G6PD: variants seen among roughly 807,000 people sequenced by gnomAD.
The protein encoded by G6PD is glucose-6-phosphate 1-dehydrogenase.
G6PD carries 2 observed loss-of-function variants against 38.2 expected under a neutral mutation model. The ratio of observed to expected loss-of-function variants is 0.05; its 90% CI spans 0.02 to 0.16. The LOEUF is 0.16. Ranked by LOEUF, G6PD falls within the 10% of genes least tolerant of loss-of-function variation. The pLI, the probability that G6PD is intolerant of heterozygous loss-of-function variation, is 1.00. For synonymous variants in G6PD, 188 were observed against 196.0 expected (o/e 0.96, Z 0.34); for missense variants, 310 against 471.6 (o/e 0.66, Z 3.17).
intron 4 of G6PD, 114 bp from the exon 5 acceptor site, chrX:154,535,499 C>T: frequency 2.9e-6 from 2 of 683,087 alleles, no homozygotes; most frequent in Non-Finnish European, 4.6e-6. Context: ...AGGGAGGGTG[C>T]CCTCAGAAGT....
Position 154,546,019 on chromosome X carries a change from G to A in G6PD, c.120+17C>T. The A allele has an allele frequency of 2.5e-6, 3 of 1,209,138 alleles. No individual in the cohort carries two copies. Among genetic ancestry groups the A allele is most frequent in the Non-Finnish European group, 3.4e-6 (3 of 894,493 alleles). ...GCACTTCCTGGCTTTTAAGATTGGG[G>A]CCTGGGAGATACTCACCGATGCACC... is the stretch of plus-strand genomic sequence containing the variant. On this transcript the variant is annotated intron_variant, in intron 2 of 12. Coordinates refer to ENST00000393562, the MANE Select transcript of G6PD (RefSeq NM_001360016.2).
rs201060739 is a variant in G6PD at position 154,531,928 on chromosome X, GTCC to G, written c.*69_*71del. ...TGCAGCTGAGGTCAATGGTCCCGGA[GTCC>G]TCCCGACTCGGGGTCGGGCGGCGGG... On this transcript the variant is annotated 3_prime_UTR_variant, in exon 13 of 13. Transcript: ENST00000393562. 6,798 of 1,166,458 alleles carry G rather than the reference GTCC, an allele frequency of 5.8e-3. 243 individuals are homozygous for G. The African/African-American group carries it at 0.11, about 18-fold the overall frequency.
intron 5 of G6PD, among the ~76,000 whole-genome samples, chrX:154,534,756 G>A (rs781975399): frequency 1.8e-5 from 2 of 111,872 alleles, no homozygotes; most frequent in Non-Finnish European, 3.8e-5. Context: ...CTGGGTCCCC[G>A]GTGGGTCTGA....
At chrX:154,533,911 A>G in intron 7 of G6PD, 124 bp downstream of exon 7, 1 of 1,203,223 alleles carries the variant, frequency 8.3e-7, no homozygotes, top group Non-Finnish European at 1.1e-6. Flanking sequence ...CTGATAGCTC[A>G]GACACTTAGG....
chrX:154,544,414 C>T (rs1032634476), intron 2 of G6PD, among the ~76,000 whole-genome samples: 2 of 111,433 alleles, frequency 1.8e-5, no homozygotes, highest in Admixed American at 1.9e-4. Context: ...CCCACCTTGG[C>T]CCCCCAAAGT....
intron 2 of G6PD, among the ~76,000 whole-genome samples, chrX:154,539,397 G>A (rs1384734659): frequency 8.9e-6 from 1 of 112,317 alleles, no homozygotes; most frequent in East Asian, 2.8e-4. Flanking sequence ...CCTGGAGCAG[G>A]GCAGATTGGC....
In G6PD at chrX:154,535,355, C is replaced by T. The variant is rs1557230643; in HGVS notation, c.298G>A (p.Asp100Asn). ...ATPEEKLKLEDFFARNSYVAG... is the reference protein window; with the variant it reads ...ATPEEKLKLENFFARNSYVAG... ...ACATAGGAGTTGCGGGCAAAGAAGT[C>T]CTCCAGCTTGAGCTTCTCCTCTGGG... is the stretch of plus-strand genomic sequence containing the variant. The change falls in exon 5 of 13, where the codon GAC becomes AAC. Residue 100 changes from aspartate (D) to asparagine (N), a missense_variant. Coordinates refer to ENST00000393562, the MANE Select transcript of G6PD (RefSeq NM_001360016.2). 2 of 1,211,701 alleles carry T rather than the reference C, an allele frequency of 1.7e-6. No individual in the cohort carries two copies. Among genetic ancestry groups the T allele is most frequent in the South Asian group, 1.8e-5 (1 of 56,978 alleles).
In G6PD at chrX:154,540,233, G is replaced by A. The variant is rs181213010; in HGVS notation, c.121-4055C>T. Among the ~76,000 whole-genome samples the A allele has an allele frequency of 4.6e-5, 5 of 109,083 alleles. No individual in the cohort carries two copies. In the East Asian group the frequency reaches 1.5e-3, roughly 32 times the overall value. The allele number at this position is 109,083 out of a possible 115,157, so 94.7% of individuals were successfully genotyped here. A position where few individuals can be genotyped will look rare whatever the true frequency, so the allele number is the denominator to read the frequency against. Reference sequence around the variant, plus strand: ...TGCCTGTAATCCTAGCACTTTGGGAGGTTGAGGTGGGTGGATCACGAGGTC... The same window carrying A: ...TGCCTGTAATCCTAGCACTTTGGGAAGTTGAGGTGGGTGGATCACGAGGTC... On this transcript the variant is annotated intron_variant, in intron 2 of 12. Transcript: ENST00000393562.
chrX:154,542,557 C>T (rs1485266388), intron 2 of G6PD: 11 of 1,010,385 alleles, frequency 1.1e-5, no homozygotes, highest in Non-Finnish European at 1.3e-6. Context: ...AGGAAGGAAG[C>T]TGGGTGTGTG....
intron 2 of G6PD, among the ~76,000 whole-genome samples, chrX:154,542,081 G>A (rs1009033578): frequency 3.6e-5 from 4 of 112,406 alleles, no homozygotes; most frequent in Admixed American, 1.9e-4. Flanking sequence ...TGCTATACCC[G>A]GGGGCTCATG....
intron 6 of G6PD, 24 bp downstream of exon 6, chrX:154,534,314 C>T (rs782801832): frequency 1.7e-5 from 21 of 1,208,098 alleles, no homozygotes; most frequent in Admixed American, 6.6e-5. Context: ...CCACCCTGGT[C>T]CCCCGGCCCA....
At chrX:154,542,239 T>C in intron 2 of G6PD, 2 of 1,002,638 alleles carry the variant, frequency 2.0e-6, no homozygotes, top group African/African-American at 1.9e-5. Context: ...ATCATTGGGA[T>C]GCGTCCTGAA....
Position 154,542,177 on chromosome X carries a change from G to A in G6PD, c.120+3859C>T, listed in dbSNP as rs183383141. ...CCAATGGGGAAGTCAGCCCAGAAAT[G>A]TTCTGAGGAAAGGGGAGGCGGGGGC... On this transcript the variant is annotated intron_variant, in intron 2 of 12. Coordinates refer to ENST00000393562, the MANE Select transcript of G6PD (RefSeq NM_001360016.2). The A allele has an allele frequency of 3.7e-3, 2,208 of 591,470 alleles. 3 individuals are homozygous for A. The highest frequency in any genetic ancestry group is 5.3e-3 in the Non-Finnish European group (1,941 of 367,815). 48.7% of individuals were successfully genotyped at this position (591,470 alleles called of 1,213,427 possible). A position where few individuals can be genotyped will look rare whatever the true frequency, so the allele number is the denominator to read the frequency against.
Position 154,533,095 on chromosome X carries a change from C to T in G6PD, c.898G>A (p.Ala300Thr). The change falls in exon 9 of 13, where the codon GCC becomes ACC. Residue 300 changes from alanine to threonine, a missense_variant. Around this residue, in one of 4 missense-constraint regions of G6PD, gnomAD observed 168 missense variants for 309.2 expected, o/e 0.54. Coordinates refer to ENST00000393562, the MANE Select transcript of G6PD (RefSeq NM_001360016.2). ...KVLKCISEVQANNVVLGQYVG... is the reference protein window; with the variant it reads ...KVLKCISEVQTNNVVLGQYVG... ...TACTGGCCCAGGACCACATTGTTGGCCTGCACCTCTGAGATGCATTTCAAC... is the reference window on the plus strand; with the variant it reads ...TACTGGCCCAGGACCACATTGTTGGTCTGCACCTCTGAGATGCATTTCAAC... 1.6e-6 allele frequency: 2 copies of T among 1,212,243 alleles called. No individual in the cohort carries two copies. The highest frequency in any genetic ancestry group is 2.2e-6 in the Non-Finnish European group (2 of 895,588).
Position 154,531,861 on chromosome X carries a change from C to A in G6PD, c.*139G>T. On this transcript the variant is annotated 3_prime_UTR_variant, in exon 13 of 13. Transcript: ENST00000393562. ...AGCTGGGCTCGGGTAGTAGCAGCAG[C>A]GAGGGGCGGGCCAGGGTGGCCAGAG... 9.8e-7 allele frequency: 1 copy of A among 1,017,741 alleles called. No individual in the cohort carries two copies. 83.9% of individuals were successfully genotyped at this position (1,017,741 alleles called of 1,213,427 possible). A position where few individuals can be genotyped will look rare whatever the true frequency, so the allele number is the denominator to read the frequency against.
Position 154,543,720 on chromosome X carries a change from C to T in G6PD, c.120+2316G>A, listed in dbSNP as rs782172203. On this transcript the variant is annotated intron_variant, in intron 2 of 12. Transcript: ENST00000393562. ...TTTTTATTTTTTTGAGATGGAGTCT[C>T]ACTCACTCCGTCACCCAGGATGGAG... Among the ~76,000 whole-genome samples the T allele has an allele frequency of 9.2e-4, 101 of 110,072 alleles. 1 individual carries two copies. Among genetic ancestry groups the T allele is most frequent in the Non-Finnish European group, 1.7e-3 (91 of 52,705 alleles).
chrX:154,546,908 C>A (rs1213849710), upstream of G6PD: 11 of 805,166 alleles, frequency 1.4e-5, no homozygotes, highest in Non-Finnish European at 1.8e-5. Flanking sequence ...CTGGGCTGAG[C>A]GGACCCGCCT....
intron 5 of G6PD, among the ~76,000 whole-genome samples, chrX:154,534,739 C>T (rs2070386490): frequency 8.9e-6 from 1 of 111,741 alleles, no homozygotes; most frequent in South Asian, 3.7e-4. Context: ...TCCCCTCCTG[C>T]CTCATGCTGG....
upstream of G6PD, chrX:154,547,375 C>T: frequency 2.7e-6 from 2 of 754,112 alleles, no homozygotes; most frequent in Non-Finnish European, 3.1e-6. Flanking sequence ...GGCGGGGCGG[C>T]CGAGCGCCCC....
Sources: allele counts gnomAD v4.1 joint callset (sites outside exome capture counted in the v4.1 genomes callset), GRCh38; gene constraint gnomAD v4.1.1; regional missense constraint gnomAD v4.1.1; transcripts MANE v1.5; gene names NCBI Gene and HGNC (gene_info 2026-07-23, HGNC 2026-07-21).